Variants in ENOX1 observed in about 807,000 individuals in gnomAD.
ENOX1 encodes ecto-NOX disulfide-thiol exchanger 1, also known as candidate growth-related and time keeping constitutive hydroquinone (NADH) oxidase.
A neutral mutation model predicts 82.5 loss-of-function variants in ENOX1; 42 were observed. That is an observed-to-expected ratio of 0.51 (90% CI 0.40 to 0.66). The LOEUF is 0.66. Among genes scored for constraint, ENOX1 ranks in the 30% least tolerant of loss-of-function variants. ENOX1 has a pLI of 0.00. For synonymous variants in ENOX1, 271 were observed against 282.2 expected, an observed-to-expected ratio of 0.96 and a Z score of 0.40; for missense variants, 608 against 811.6, an observed-to-expected ratio of 0.75 and a Z score of 3.05.
intron 2 of ENOX1, among the ~76,000 whole-genome samples, chr13:43,596,952 C>G (rs2081500960): frequency 6.6e-6 from 1 of 152,160 alleles, no homozygotes; most frequent in Admixed American, 6.6e-5. Context: ...AAAGAACTAC[C>G]TGAGACTGAG....
At chr13:43,579,361 T>C (rs1489769955) in intron 2 of ENOX1, among the ~76,000 whole-genome samples, 2 of 152,178 alleles carry the variant, frequency 1.3e-5, no homozygotes, top group East Asian at 3.9e-4. Flanking sequence ...GTATCAGAAA[T>C]CCAATTACAT....
intron 2 of ENOX1, among the ~76,000 whole-genome samples, chr13:43,586,919 A>C (rs1052459559): frequency 1.3e-5 from 2 of 151,890 alleles, no homozygotes; most frequent in African/African-American, 2.4e-5. Flanking sequence ...AAAAAAAAAA[A>C]AAAATTTAGC....
chr13:43,288,853 C>T (rs1308410873), intron 12 of ENOX1, among the ~76,000 whole-genome samples: 2 of 151,950 alleles, frequency 1.3e-5, no homozygotes, highest in East Asian at 3.8e-4. Context: ...TTCATAATGG[C>T]TCTTAAAATT....
chr13:43,779,233 A>C lies in ENOX1; in HGVS notation c.-285+7419T>G, dbSNP rs77789369. 1.1e-4 allele frequency among the ~76,000 whole-genome samples: 16 copies of C among 152,082 alleles called. No homozygotes were observed. In the East Asian group the frequency reaches 2.7e-3, roughly 26 times the overall value. The stretch of plus-strand genomic sequence containing the variant: ...GATTCTTCCATATCTTACGTTGAAG[A>C]AGCCAACCTTGTGACAGAATTTAAG... On this transcript the variant is annotated intron_variant, in intron 1 of 16. Transcript: ENST00000690772.
At chr13:43,445,296 T>C (rs2056580407) in intron 3 of ENOX1, among the ~76,000 whole-genome samples, 1 of 151,984 alleles carries the variant, frequency 6.6e-6, no homozygotes, top group Non-Finnish European at 1.5e-5. Flanking sequence ...GCTAATTTTT[T>C]GTATTTTTAG....
At chr13:43,362,230 CT>C (rs77130635) in intron 5 of ENOX1, among the ~76,000 whole-genome samples, 551 of 139,950 alleles carry the variant, frequency 3.9e-3, no homozygotes, top group Middle Eastern at 7.5e-3. Context: ...GGTTTTCCAG[CT>C]TTTTTTTTTT....
intron 8 of ENOX1, among the ~76,000 whole-genome samples, chr13:43,354,226 G>C (rs752092402): frequency 8.5e-5 from 13 of 152,184 alleles, no homozygotes; most frequent in Non-Finnish European, 1.6e-4. Context: ...CTAGGCTGGA[G>C]GGAAAAGTGA....
At chr13:43,778,346 G>C (rs1952046354) in intron 1 of ENOX1, among the ~76,000 whole-genome samples, 1 of 152,084 alleles carries the variant, frequency 6.6e-6, no homozygotes, top group African/African-American at 2.4e-5. Flanking sequence ...TTGGGAGCTA[G>C]TGGCCTAAGA....
At chr13:43,727,409 G>A (rs569081754) in intron 1 of ENOX1, among the ~76,000 whole-genome samples, 1 of 152,214 alleles carries the variant, frequency 6.6e-6, no homozygotes, top group South Asian at 2.1e-4. Flanking sequence ...AAAAATGAAC[G>A]GAATCCATGT....
intron 1 of ENOX1, among the ~76,000 whole-genome samples, chr13:43,724,768 C>G (rs2088822385): frequency 6.6e-6 from 1 of 152,236 alleles, no homozygotes; most frequent in South Asian, 2.1e-4. Context: ...AGAAGGCTCT[C>G]TCTTTCTTCC....
chr13:43,589,994 G>A (rs2081171884), intron 2 of ENOX1, among the ~76,000 whole-genome samples: 1 of 151,738 alleles, frequency 6.6e-6, no homozygotes, highest in African/African-American at 2.4e-5. Context: ...ATTAATATAT[G>A]TAGGTGAGGA....
At chr13:43,240,932 T>C (rs879514318) in intron 14 of ENOX1, among the ~76,000 whole-genome samples, 29 of 152,168 alleles carry the variant, frequency 1.9e-4, no homozygotes, top group Non-Finnish European at 3.4e-4. Context: ...GTTTCTATCT[T>C]GTAACACAAA....
intron 5 of ENOX1, among the ~76,000 whole-genome samples, chr13:43,363,655 C>T (rs971614114): frequency 2.0e-5 from 3 of 152,118 alleles, no homozygotes; most frequent in Non-Finnish European, 4.4e-5. Flanking sequence ...CTATTATTTG[C>T]CAACACAGGA....
intron 14 of ENOX1, among the ~76,000 whole-genome samples, chr13:43,255,338 C>A (rs765608633): frequency 8.6e-5 from 13 of 151,918 alleles, no homozygotes; most frequent in Non-Finnish European, 1.2e-4. Flanking sequence ...TAACATCATA[C>A]AAGATAGGGA....
chr13:43,248,267 G>A (rs780789910), intron 14 of ENOX1, among the ~76,000 whole-genome samples: 10 of 151,988 alleles, frequency 6.6e-5, no homozygotes, highest in Non-Finnish European at 1.2e-4. Flanking sequence ...ACATAGACAG[G>A]CCAGACCTCA....
At chr13:43,522,693 C>T (rs2077824055) in intron 2 of ENOX1, among the ~76,000 whole-genome samples, 1 of 152,108 alleles carries the variant, frequency 6.6e-6, no homozygotes, top group South Asian at 2.1e-4. Context: ...TCTTTTCATG[C>T]AGACCCTTGT....
intron 8 of ENOX1, among the ~76,000 whole-genome samples, chr13:43,350,461 T>C (rs1490668322): frequency 1.3e-5 from 2 of 152,220 alleles, no homozygotes; most frequent in East Asian, 1.9e-4. Flanking sequence ...GTTTTTGTTT[T>C]TGAGATGGAG....
At chr13:43,579,146 T>C (rs1056450446) in intron 2 of ENOX1, among the ~76,000 whole-genome samples, 1 of 152,132 alleles carries the variant, frequency 6.6e-6, no homozygotes, top group Non-Finnish European at 1.5e-5. Flanking sequence ...TAGAGAATAG[T>C]GTCTGGGACC....
At chr13:43,356,458 T>C (rs182130996) in intron 7 of ENOX1, among the ~76,000 whole-genome samples, 1 of 152,294 alleles carries the variant, frequency 6.6e-6, no homozygotes, top group Admixed American at 6.5e-5. Flanking sequence ...CTTATCATGA[T>C]CATTCCTTCT....
Sources: gnomAD v4.1 joint callset for allele counts (sites outside exome capture counted in the v4.1 genomes callset) on GRCh38, gnomAD v4.1.1 for gene constraint, MANE v1.5 for transcripts, NCBI Gene and HGNC (gene_info 2026-07-23, HGNC 2026-07-21) for gene names.